UEVLD: variants seen among roughly 807,000 people sequenced by gnomAD.
UEVLD encodes ubiquitin-conjugating enzyme E2 variant 3.
In UEVLD, 47 loss-of-function variants were observed where a neutral mutation model predicts 58.6. That is an observed-to-expected ratio of 0.80 (90% confidence interval 0.63 to 1.02). The LOEUF (loss-of-function observed/expected upper bound fraction) is 1.02. UEVLD is among the 50% of genes least tolerant of loss of function. The pLI is 0.00. For synonymous variants in UEVLD, 197 were observed against 195.3 expected, an observed-to-expected ratio of 1.01 and a Z score of -0.07; for missense variants, 510 against 550.6, an observed-to-expected ratio of 0.93 and a Z score of 0.74.
rs1850508874 is a variant in UEVLD at position 18,530,120 on chromosome 11, A to G, written c.*2200T>C. The G allele has an allele frequency of 6.6e-6, 1 of 152,234 alleles. No individual in the cohort carries two copies. Among genetic ancestry groups the G allele is most frequent in the South Asian group, 2.1e-4 (1 of 4,834 alleles). 9.4% of individuals were successfully genotyped at this position (152,234 alleles called of 1,614,324 possible). Reference sequence around the variant, plus strand: ...AGATTATTGTTCAAAAGCATATTACATATTATCTAACTTTAATTAGATATC... The same window carrying G: ...AGATTATTGTTCAAAAGCATATTACGTATTATCTAACTTTAATTAGATATC... On this transcript the variant is annotated 3_prime_UTR_variant, in exon 12 of 12. Transcript: ENST00000396197.
intron 11 of UEVLD, 119 bp from the exon 12 acceptor site, chr11:18,532,606 A>G: frequency 1.2e-6 from 1 of 815,706 alleles, no homozygotes; most frequent in Non-Finnish European, 1.7e-6. Flanking sequence ...GACTTAAAAA[A>G]ATTTTTTTGT....
chr11:18,582,332 C>T (rs1220917018), intron 1 of UEVLD, among the ~76,000 whole-genome samples: 13 of 147,658 alleles, frequency 8.8e-5, no homozygotes, highest in African/African-American at 3.3e-4. Flanking sequence ...TTTGTTTTGA[C>T]ACCCACCACC....
chr11:18,537,052 T>C (rs1256780196), intron 9 of UEVLD, among the ~76,000 whole-genome samples: 1 of 150,618 alleles, frequency 6.6e-6, no homozygotes, highest in Non-Finnish European at 1.5e-5. Context: ...CATGCCACCA[T>C]GCCCTGCTAA....
chr11:18,584,253 T>G (rs1408956132), intron 1 of UEVLD, among the ~76,000 whole-genome samples: 2 of 152,054 alleles, frequency 1.3e-5, no homozygotes, highest in African/African-American at 2.4e-5. Context: ...TGTGGTGATG[T>G]TGCCTGTGGT....
At chr11:18,569,938 T>C in intron 4 of UEVLD, 1 of 234,616 alleles carries the variant, frequency 4.3e-6, no homozygotes, top group Non-Finnish European at 8.3e-6. Flanking sequence ...TAGTAGCTCC[T>C]CCTGTACTTT....
intron 1 of UEVLD, among the ~76,000 whole-genome samples, chr11:18,586,437 G>A (rs1208178819): frequency 6.6e-6 from 1 of 152,020 alleles, no homozygotes; most frequent in African/African-American, 2.4e-5. Context: ...GGCCGATCTC[G>A]AACTCCTGGC....
At chr11:18,550,088 C>T (rs747256753) in intron 7 of UEVLD, among the ~76,000 whole-genome samples, 2 of 152,168 alleles carry the variant, frequency 1.3e-5, no homozygotes, top group Non-Finnish European at 2.9e-5. Flanking sequence ...TCCCAAAGTG[C>T]TGGGATTACA....
At chr11:18,562,828 G>A (rs955701001) in intron 6 of UEVLD, among the ~76,000 whole-genome samples, 5 of 151,990 alleles carry the variant, frequency 3.3e-5, no homozygotes, top group Admixed American at 3.3e-4. Context: ...CAGGAAGATA[G>A]TCTGAACCAG....
chr11:18,557,198 G>A (rs757889857), intron 7 of UEVLD, among the ~76,000 whole-genome samples: 10 of 151,760 alleles, frequency 6.6e-5, no homozygotes, highest in Non-Finnish European at 1.5e-4. Context: ...TGTCGCCCAG[G>A]CTGGAGTGCA....
At position 18,530,168 on chromosome 11, in the gene UEVLD, T is replaced by TA. The variant is rs2133943058; in HGVS notation, c.*2151dup. Reference sequence around the variant, plus strand: ...ATCAAATATTAGAAAAGGCTAGTTTTAAAAACACAAGAAATAGTTCTTTCA... The same window carrying TA: ...ATCAAATATTAGAAAAGGCTAGTTTTAAAAAACACAAGAAATAGTTCTTTCA... On this transcript the variant is annotated 3_prime_UTR_variant, in exon 12 of 12. Coordinates refer to ENST00000396197, the MANE Select transcript of UEVLD (RefSeq NM_001040697.4). 1 of 152,372 alleles carries TA rather than the reference T, an allele frequency of 6.6e-6. No homozygotes were observed. 9.4% of individuals were successfully genotyped at this position (152,372 alleles called of 1,614,324 possible). A position where few individuals can be genotyped will look rare whatever the true frequency, so the allele number is the denominator to read the frequency against.
chr11:18,572,622 T>C (rs111316691), intron 3 of UEVLD, among the ~76,000 whole-genome samples: 2,231 of 152,154 alleles, frequency 0.015, 24 homozygotes, highest in Non-Finnish European at 0.023. Flanking sequence ...CTGACCAACA[T>C]GGAGAAACCT....
intron 1 of UEVLD, among the ~76,000 whole-genome samples, chr11:18,584,458 A>C (rs931752783): frequency 3.9e-5 from 6 of 152,216 alleles, no homozygotes; most frequent in Admixed American, 1.3e-4. Flanking sequence ...CTTATGATAC[A>C]GAACTGTCTG....
chr11:18,550,993 T>C (rs796383096), intron 7 of UEVLD, among the ~76,000 whole-genome samples: 4 of 152,340 alleles, frequency 2.6e-5, no homozygotes, highest in South Asian at 2.1e-4. Flanking sequence ...CTAAGTTCCT[T>C]GTACCTGGCA....
At chr11:18,583,500 T>A (rs1248508295) in intron 1 of UEVLD, among the ~76,000 whole-genome samples, 3 of 152,156 alleles carry the variant, frequency 2.0e-5, no homozygotes, top group Non-Finnish European at 4.4e-5. Context: ...ATTACAGGCG[T>A]GAGCTACCAC....
intron 9 of UEVLD, among the ~76,000 whole-genome samples, chr11:18,537,224 C>T (rs957252999): frequency 4.6e-5 from 7 of 150,774 alleles, no homozygotes; most frequent in Non-Finnish European, 1.0e-4. Flanking sequence ...CTAAAAGAAT[C>T]TTCTGGGTTA....
chr11:18,578,270 T>C (rs1329245877), intron 2 of UEVLD, among the ~76,000 whole-genome samples: 3 of 152,176 alleles, frequency 2.0e-5, no homozygotes, highest in Non-Finnish European at 4.4e-5. Flanking sequence ...GTTAGAGACA[T>C]GCAACACTGC....
At position 18,578,705 on chromosome 11, in the gene UEVLD, T is replaced by C. The variant is rs769088123; in HGVS notation, c.127+19A>G. On this transcript the variant is annotated intron_variant, in intron 2 of 11. Transcript: ENST00000396197. ...AGTTCAAATAATGCAGCATTTAAAC[T>C]AGAGGATATGATTCTTACCATAGGT... is the stretch of plus-strand genomic sequence containing the variant. 1 of 1,562,420 alleles carries C rather than the reference T, an allele frequency of 6.4e-7. No homozygotes were observed. Among genetic ancestry groups the C allele is most frequent in the East Asian group, 2.2e-5 (1 of 44,544 alleles).
intron 10 of UEVLD, 39 bp downstream of exon 10, chr11:18,536,367 T>G: frequency 1.3e-6 from 2 of 1,588,044 alleles, no homozygotes; most frequent in Non-Finnish European, 1.7e-6. Flanking sequence ...AAGTAAATGA[T>G]TTTTCGTTGG....
chr11:18,587,316 A>C (rs1361966836), intron 1 of UEVLD, among the ~76,000 whole-genome samples: 2 of 152,176 alleles, frequency 1.3e-5, no homozygotes, highest in East Asian at 1.9e-4. Flanking sequence ...TAGCATTATG[A>C]TACTTCTCTT....
Sources: gnomAD v4.1 joint callset for allele counts (sites outside exome capture counted in the v4.1 genomes callset) on GRCh38, gnomAD v4.1.1 for gene constraint, MANE v1.5 for transcripts, NCBI Gene and HGNC (gene_info 2026-07-23, HGNC 2026-07-21) for gene names.